The following FANCM variants were observed in gnomAD, a reference collection of about 807,000 sequenced individuals.
FANCM encodes the protein Fanconi anemia group M protein.
A neutral mutation model predicts 199.5 loss-of-function variants in FANCM; 140 were observed. The ratio of observed to expected loss-of-function variants is 0.70; its 90% CI spans 0.61 to 0.81. The LOEUF is 0.81. Among genes scored for constraint, FANCM ranks in the 30% least tolerant of loss-of-function variants. FANCM has a pLI of 0.00. For synonymous variants in FANCM, 840 were observed against 836.8 expected (o/e 1.00, Z -0.07); for missense variants, 2,410 against 2,421.4 (o/e 1.00, Z 0.10).
rs2139320520 is a variant in FANCM, at chr14:45,196,477, G to A, written c.5646G>A (p.Glu1882=). 1.9e-6 allele frequency: 3 copies of A among 1,613,968 alleles called. No homozygotes were observed. The highest frequency in any genetic ancestry group is 2.5e-6 in the Non-Finnish European group (3 of 1,179,866). Residue 1882 remains glutamate, a synonymous_variant, in exon 21 of 23, where the codon GAG becomes GAA. Coordinates refer to ENST00000267430, the MANE Select transcript of FANCM (RefSeq NM_020937.4). The part of the protein sequence containing the change: ...LNSVNKNKFI[E]QIQHLQSMFE... ...GTGTCAATAAGAACAAGTTCATTGA[G>A]CAGATCCAGCACCTGCAGAGTATGT... is the stretch of plus-strand genomic sequence containing the variant.
chr14:45,139,511 G>A (rs1232154589), intron 2 of FANCM, among the ~76,000 whole-genome samples: 1 of 152,152 alleles, frequency 6.6e-6, no homozygotes, highest in Admixed American at 6.6e-5. Context: ...AGTGGTATAT[G>A]GGAATCTGGC....
chr14:45,144,465 G>A (rs976988003), intron 3 of FANCM, among the ~76,000 whole-genome samples: 2 of 152,146 alleles, frequency 1.3e-5, no homozygotes, highest in South Asian at 2.1e-4. Flanking sequence ...CAAGTCCAGA[G>A]ATGCCATCTA....
At chr14:45,199,359 T>C (rs921027082) in intron 22 of FANCM, among the ~76,000 whole-genome samples, 6 of 152,234 alleles carry the variant, frequency 3.9e-5, no homozygotes, top group Non-Finnish European at 5.9e-5. Flanking sequence ...TAGCTCATGC[T>C]GCAATGATAA....
intron 11 of FANCM, 51 bp from the exon 12 acceptor site, chr14:45,170,538 G>T: frequency 7.3e-7 from 1 of 1,377,130 alleles, no homozygotes; most frequent in Non-Finnish European, 1.0e-6. Flanking sequence ...GGGTTTTTTT[G>T]CTTTGCAGAT....
chr14:45,184,631 C>T (rs1290290873), intron 17 of FANCM, among the ~76,000 whole-genome samples: 6 of 146,560 alleles, frequency 4.1e-5, no homozygotes, highest in African/African-American at 7.6e-5. Flanking sequence ...ACTGCACTCC[C>T]GCCTGGGCAA....
In FANCM at chr14:45,176,243, C is replaced by A. The variant is rs758363235; in HGVS notation, c.3489C>A (p.Asp1163Glu). The A allele has an allele frequency of 6.2e-7, 1 of 1,613,308 alleles. No individual in the cohort carries two copies. The highest frequency in any genetic ancestry group is 8.5e-7 in the Non-Finnish European group (1 of 1,179,548). The change falls in exon 14 of 23, where the codon GAC (aspartate) becomes GAA (glutamate). Residue 1163 changes from aspartate to glutamate, a missense_variant. Asp to Glu is a conservative substitution (Grantham distance 45). Coordinates refer to ENST00000267430, the MANE Select transcript of FANCM (RefSeq NM_020937.4). ...AAAGCGAATCTTTACCTGTGTCAGA[C>A]AAAACTGCTATTAGTGAAACGCCTC... is the stretch of plus-strand genomic sequence containing the variant. ...NSKSESLPVS[D>E]KTAISETPLV...
At chr14:45,166,221 T>A (rs1008702061) in intron 10 of FANCM, among the ~76,000 whole-genome samples, 1 of 151,548 alleles carries the variant, frequency 6.6e-6, no homozygotes, top group African/African-American at 2.4e-5. Flanking sequence ...AACCTCCATC[T>A]CCTGAGTTCA....
At chr14:45,142,394 C>A (rs1886039015) in intron 3 of FANCM, among the ~76,000 whole-genome samples, 1 of 151,606 alleles carries the variant, frequency 6.6e-6, no homozygotes, top group Non-Finnish European at 1.5e-5. Context: ...GCAACCTCCA[C>A]CTCCCAGGTT....
Position 45,148,870 on chromosome 14 carries a change from G to T in FANCM, c.793G>T (p.Gly265Trp). Reference protein sequence around the residue: ...VQQVITNLLIGQIELRSEDSP... With the variant: ...VQQVITNLLIWQIELRSEDSP... Reference sequence around the variant, plus strand: ...ACAAGTTATTACTAACCTGCTAATTGGGCAGATAGAGCTTCGTTCTGAAGA... The same window carrying T: ...ACAAGTTATTACTAACCTGCTAATTTGGCAGATAGAGCTTCGTTCTGAAGA... Residue 265 changes from glycine (G) to tryptophan (W), a missense_variant, in exon 4 of 23, where the codon GGG becomes TGG. Physicochemically the swap from Gly to Trp is radical, Grantham distance 184 (BLOSUM62 -2). Coordinates refer to ENST00000267430, the MANE Select transcript of FANCM (RefSeq NM_020937.4). The T allele has an allele frequency of 6.2e-7, 1 of 1,610,582 alleles. No individual in the cohort carries two copies. Among genetic ancestry groups the T allele is most frequent in the East Asian group, 2.2e-5 (1 of 44,806 alleles).
intron 3 of FANCM, among the ~76,000 whole-genome samples, chr14:45,143,327 C>G (rs1449069994): frequency 1.3e-5 from 2 of 151,984 alleles, no homozygotes; most frequent in Non-Finnish European, 2.9e-5. Context: ...CCACCACACC[C>G]AGCAAATTTT....
At chr14:45,191,593 G>A (rs185691703) in intron 20 of FANCM, among the ~76,000 whole-genome samples, 2 of 152,224 alleles carry the variant, frequency 1.3e-5, no homozygotes. Context: ...ATAGATATAG[G>A]ATAGTGATAC....
Position 45,183,317 on chromosome 14 carries a change from G to C in FANCM, c.4387-457G>C, listed in dbSNP as rs571190090. Among the ~76,000 whole-genome samples, 146 of 152,134 alleles carry C rather than the reference G, an allele frequency of 9.6e-4. 1 individual carries two copies. Among genetic ancestry groups the C allele is most frequent in the Admixed American group, 2.2e-3 (33 of 15,274 alleles). ...TGTGTTATCCTATAAGAGATATGGT[G>C]ATAGGCCTCATAGTCAAAACTTGTT... On this transcript the variant is annotated intron_variant, in intron 16 of 22. Transcript: ENST00000267430.
At position 45,140,715 on chromosome 14, in the gene FANCM, TA is replaced by T; in HGVS notation, c.759+10del. The stretch of plus-strand genomic sequence containing the variant: ...CACCAGGTAGTGATATAAAGGTAAG[TA>T]AAATGTTTTTCCATTTATTACAGTT... On this transcript the variant is annotated splice_region_variant and intron_variant, in intron 3 of 22. Transcript: ENST00000267430. 2 of 1,545,726 alleles carry T rather than the reference TA, an allele frequency of 1.3e-6. No individual in the cohort carries two copies. The highest frequency in any genetic ancestry group is 1.4e-5 in the African/African-American group (1 of 73,660).
Position 45,154,757 on chromosome 14 carries a change from A to C in FANCM, c.1244A>C (p.His415Pro). 1 of 1,593,252 alleles carries C rather than the reference A, an allele frequency of 6.3e-7. No individual in the cohort carries two copies. The highest frequency in any genetic ancestry group is 8.6e-7 in the Non-Finnish European group (1 of 1,162,358). Reference sequence around the variant, plus strand: ...GAAGACTTCATGAAACTCTATAATCATCTAGAGTGTATGTTTGCACGTACA... The same window carrying C: ...GAAGACTTCATGAAACTCTATAATCCTCTAGAGTGTATGTTTGCACGTACA... ...RNEDFMKLYN[H>P]LECMFARTRS... The change falls in exon 7 of 23, where the codon CAT becomes CCT. Residue 415 changes from histidine (H) to proline (P), a missense_variant. His to Pro is a moderately conservative substitution (Grantham distance 77). Coordinates refer to ENST00000267430, the MANE Select transcript of FANCM (RefSeq NM_020937.4).
rs1028571253 is a variant in FANCM at position 45,200,136 on chromosome 14, T to A, written c.*128T>A. ...ATTTAAATATTTTATATTGTATACA[T>A]TTTTATTTATAGATTATAGAAATTA... On this transcript the variant is annotated 3_prime_UTR_variant, in exon 23 of 23. Coordinates refer to ENST00000267430, the MANE Select transcript of FANCM (RefSeq NM_020937.4). 1.2e-5 allele frequency: 4 copies of A among 334,020 alleles called. No individual in the cohort carries two copies. Among genetic ancestry groups the A allele is most frequent in the Non-Finnish European group, 1.5e-5 (3 of 204,006 alleles). 20.7% of individuals were successfully genotyped at this position (334,020 alleles called of 1,614,324 possible). A position where few individuals can be genotyped will look rare whatever the true frequency, so the allele number is the denominator to read the frequency against.
At position 45,148,975 on chromosome 14, in the gene FANCM, A is replaced by C; in HGVS notation, c.898A>C (p.Ile300Leu). The C allele has an allele frequency of 6.2e-7, 1 of 1,613,856 alleles. No homozygotes were observed. Residue 300 changes from isoleucine to leucine, a missense_variant, in exon 4 of 23, where the codon ATC becomes CTC. Transcript: ENST00000267430. ...IVPLGEELAAIQKTYIQILES... is the reference protein window; with the variant it reads ...IVPLGEELAALQKTYIQILES... The stretch of plus-strand genomic sequence containing the variant: ...TCCGCTTGGTGAAGAACTTGCAGCC[A>C]TCCAAAAGACCTATATCCAGGTAAA...
intron 18 of FANCM, among the ~76,000 whole-genome samples, chr14:45,187,015 T>C (rs375990519): frequency 6.6e-6 from 1 of 152,120 alleles, no homozygotes; most frequent in Non-Finnish European, 1.5e-5. Context: ...GATTGGATTC[T>C]GGATACATAA....
chr14:45,136,110 T>C lies in FANCM; in HGVS notation c.79T>C (p.Ser27Pro). The change falls in exon 1 of 23, where the codon TCC (serine) becomes CCC (proline). Residue 27 changes from serine to proline, a missense_variant. Transcript: ENST00000267430. ...SRSSGTPGCSSGTERPQSPGS... is the reference protein window; with the variant it reads ...SRSSGTPGCSPGTERPQSPGS... ...ATCATCTGGGACTCCGGGTTGCAGC[T>C]CCGGAACTGAGCGACCTCAGAGCCC... 2.5e-6 allele frequency: 4 copies of C among 1,614,060 alleles called. No individual in the cohort carries two copies. The highest frequency in any genetic ancestry group is 3.4e-6 in the Non-Finnish European group (4 of 1,180,010).
chr14:45,179,032 C>G (rs539193854), intron 14 of FANCM, among the ~76,000 whole-genome samples: 1 of 152,138 alleles, frequency 6.6e-6, no homozygotes, highest in Non-Finnish European at 1.5e-5. Context: ...AACCCCGTCT[C>G]TACTGAAAAT....
Sources: allele counts gnomAD v4.1 joint callset (sites outside exome capture counted in the v4.1 genomes callset), GRCh38; gene constraint gnomAD v4.1.1; transcripts MANE v1.5; gene names NCBI Gene and HGNC (gene_info 2026-07-23, HGNC 2026-07-21).